CDH18: variants seen among roughly 807,000 people sequenced by gnomAD.
The protein encoded by CDH18 is cadherin-18.
CDH18 carries 31 observed loss-of-function variants against 67.9 expected under a neutral mutation model. That is an observed-to-expected ratio of 0.46 (90% CI 0.34 to 0.62). CDH18 has a LOEUF of 0.62. Among genes scored for constraint, CDH18 ranks in the 20% least tolerant of loss-of-function variants. The probability of loss-of-function intolerance (pLI) is 0.01; values close to 1 mark genes in which losing one functional copy is unlikely to be tolerated. For synonymous variants in CDH18, 362 were observed against 347.2 expected (o/e 1.04, Z -0.48); for missense variants, 890 against 975.5 (o/e 0.91, Z 1.17).
chr5:20,183,906 T>C (rs977308800), intron 2 of CDH18, among the ~76,000 whole-genome samples: 1 of 152,120 alleles, frequency 6.6e-6, no homozygotes, highest in Non-Finnish European at 1.5e-5. Context: ...ATCTAATGAA[T>C]CTTCCTCAAA....
chr5:20,000,562 C>T (rs969193502), intron 2 of CDH18, among the ~76,000 whole-genome samples: 1 of 152,122 alleles, frequency 6.6e-6, no homozygotes, highest in East Asian at 1.9e-4. Flanking sequence ...GAGGTGTTAG[C>T]CAAACATTTT....
chr5:20,542,798 G>T (rs1201255136), intron 1 of CDH18, among the ~76,000 whole-genome samples: 2 of 151,644 alleles, frequency 1.3e-5, no homozygotes, highest in East Asian at 3.9e-4. Flanking sequence ...TCTTTTATTT[G>T]TCCATGGATT....
At chr5:19,714,565 C>T (rs1765118776) in intron 5 of CDH18, among the ~76,000 whole-genome samples, 1 of 148,982 alleles carries the variant, frequency 6.7e-6, no homozygotes, top group Non-Finnish European at 1.5e-5. Flanking sequence ...CCAAGAGGAA[C>T]AAATTACTTA....
intron 2 of CDH18, among the ~76,000 whole-genome samples, chr5:20,112,223 C>A (rs1479753916): frequency 6.6e-6 from 1 of 152,138 alleles, no homozygotes. Context: ...CCCAAATAAT[C>A]CACCCCAAGT....
intron 2 of CDH18, among the ~76,000 whole-genome samples, chr5:19,939,488 A>G (rs905981999): frequency 1.3e-5 from 2 of 151,728 alleles, no homozygotes; most frequent in Non-Finnish European, 3.0e-5. Flanking sequence ...AGCTGATTTC[A>G]CCACTGCATC....
At chr5:19,810,529 G>A (rs1459596763) in intron 3 of CDH18, among the ~76,000 whole-genome samples, 3 of 151,814 alleles carry the variant, frequency 2.0e-5, no homozygotes, top group African/African-American at 2.4e-5. Flanking sequence ...AGAATGAAAC[G>A]AGGATGAAAC....
At chr5:20,309,855 C>CA (rs1218028213) in intron 1 of CDH18, among the ~76,000 whole-genome samples, 2 of 152,142 alleles carry the variant, frequency 1.3e-5, no homozygotes, top group African/African-American at 4.8e-5. Flanking sequence ...GTCAAATTGA[C>CA]AGAGTTCTGT....
chr5:20,023,705 C>G (rs1486339511), intron 2 of CDH18, among the ~76,000 whole-genome samples: 1 of 149,682 alleles, frequency 6.7e-6, no homozygotes, highest in East Asian at 2.0e-4. Flanking sequence ...TGTACTGATA[C>G]TTTCAAGAAT....
intron 9 of CDH18, among the ~76,000 whole-genome samples, chr5:19,522,724 G>A (rs1331081719): frequency 6.6e-6 from 1 of 151,796 alleles, no homozygotes; most frequent in Non-Finnish European, 1.5e-5. Flanking sequence ...GAGCAACCTC[G>A]TCTCTAGTAA....
At chr5:20,008,277 G>A (rs984742771) in intron 2 of CDH18, among the ~76,000 whole-genome samples, 2 of 152,066 alleles carry the variant, frequency 1.3e-5, no homozygotes, top group Non-Finnish European at 2.9e-5. Flanking sequence ...CCATGCTTTT[G>A]AGATACATAA....
chr5:19,732,115 A>C (rs1254323428), intron 4 of CDH18, among the ~76,000 whole-genome samples: 1 of 151,722 alleles, frequency 6.6e-6, no homozygotes, highest in African/African-American at 2.4e-5. Context: ...AAATTAATGC[A>C]TTTTTTAAAA....
At chr5:20,256,978 A>ATCTATCTGTCTAATC (rs1554108500) in intron 1 of CDH18, among the ~76,000 whole-genome samples, 33 of 133,580 alleles carry the variant, frequency 2.5e-4, no homozygotes, top group Non-Finnish European at 4.5e-4. Flanking sequence ...ATCTATATCT[A>ATCTATCTGTCTAATC]TATCTATATC....
intron 1 of CDH18, among the ~76,000 whole-genome samples, chr5:20,411,544 A>G (rs6451845): frequency 0.14 from 21,010 of 152,050 alleles, 1,963 homozygotes; most frequent in East Asian, 0.25. Context: ...CAACGAATCC[A>G]TGGATTTCCT....
intron 1 of CDH18, among the ~76,000 whole-genome samples, chr5:20,261,584 CA>C: frequency 6.6e-6 from 1 of 151,860 alleles, no homozygotes; most frequent in Non-Finnish European, 1.5e-5. Flanking sequence ...ACTAAAAATA[CA>C]AAAAAATTAG....
chr5:19,480,558 T>C (rs1212218213), intron 12 of CDH18, among the ~76,000 whole-genome samples: 1 of 151,860 alleles, frequency 6.6e-6, no homozygotes, highest in South Asian at 2.1e-4. Flanking sequence ...TTTGTGTTTT[T>C]AGTAGAGACA....
intron 1 of CDH18, among the ~76,000 whole-genome samples, chr5:20,383,389 A>C (rs1744070055): frequency 6.6e-6 from 1 of 152,168 alleles, no homozygotes; most frequent in Non-Finnish European, 1.5e-5. Context: ...CATACATCAA[A>C]GAAATATTTT....
chr5:20,256,637 A>G (rs1339848545), intron 1 of CDH18, among the ~76,000 whole-genome samples: 2 of 152,050 alleles, frequency 1.3e-5, no homozygotes, highest in Non-Finnish European at 2.9e-5. Context: ...ATAGGCAAAT[A>G]CATATTGTAT....
chr5:20,263,162 T>A (rs2126639372), intron 1 of CDH18, among the ~76,000 whole-genome samples: 1 of 152,196 alleles, frequency 6.6e-6, no homozygotes. Flanking sequence ...TGTGCAGAAA[T>A]CAGAACTACG....
intron 12 of CDH18, among the ~76,000 whole-genome samples, chr5:19,475,561 C>T (rs1200148677): frequency 6.6e-6 from 1 of 151,912 alleles, no homozygotes; most frequent in Admixed American, 6.6e-5. Context: ...CACATACACA[C>T]ACACATACAC....
Sources: gnomAD v4.1 joint callset for allele counts (sites outside exome capture counted in the v4.1 genomes callset) on GRCh38, gnomAD v4.1.1 for gene constraint, MANE v1.5 for transcripts, NCBI Gene and HGNC (gene_info 2026-07-23, HGNC 2026-07-21) for gene names.